Variants in ANKRD13C observed in about 807,000 individuals in gnomAD.
The protein encoded by ANKRD13C is ankyrin repeat domain-containing protein 13C.
Under a neutral mutation model 65.5 loss-of-function variants are expected in ANKRD13C, and 16 were observed. The ratio of observed to expected loss-of-function variants is 0.24; its 90% confidence interval spans 0.17 to 0.37. ANKRD13C has a LOEUF of 0.37. ANKRD13C is among the 10% of genes least tolerant of loss of function. The probability of loss-of-function intolerance (pLI) is 1.00; values close to 1 mark genes in which losing one functional copy is unlikely to be tolerated. For missense variants in ANKRD13C, 503 were observed against 655.9 expected, an observed-to-expected ratio of 0.77 and a Z score of 2.55; for synonymous variants, 235 against 238.7, an observed-to-expected ratio of 0.98 and a Z score of 0.14.
intron 1 of ANKRD13C, among the ~76,000 whole-genome samples, chr1:70,352,598 T>C (rs1682792600): frequency 6.6e-6 from 1 of 152,186 alleles, no homozygotes; most frequent in Non-Finnish European, 1.5e-5. Flanking sequence ...AATGTAACTA[T>C]GGCTACTATG....
In ANKRD13C at chr1:70,259,567, G is replaced by T. The variant is rs1360862015; in HGVS notation, c.*3150C>A. 2.6e-5 allele frequency among the ~76,000 whole-genome samples: 4 copies of T among 152,208 alleles called. No individual in the cohort carries two copies. The highest frequency in any genetic ancestry group is 2.0e-4 in the Admixed American group (3 of 15,284). The stretch of plus-strand genomic sequence containing the variant: ...TTATGAAATTTTTAGGTGGCAACCA[G>T]AGTTAGTTACTATTGCCCCAGATTT... On this transcript the variant is annotated 3_prime_UTR_variant, in exon 13 of 13. Coordinates refer to ENST00000370944, the MANE Select transcript of ANKRD13C (RefSeq NM_030816.5).
At chr1:70,308,575 TA>T (rs1680691274) in intron 5 of ANKRD13C, among the ~76,000 whole-genome samples, 1 of 151,606 alleles carries the variant, frequency 6.6e-6, no homozygotes, top group African/African-American at 2.4e-5. Flanking sequence ...CCGTCTTTAC[TA>T]AAAATAGAAA....
intron 5 of ANKRD13C, among the ~76,000 whole-genome samples, chr1:70,311,999 CAAGACAGTAG>C (rs540804524): frequency 4.3e-4 from 65 of 152,238 alleles, no homozygotes; most frequent in Admixed American, 1.0e-3. Flanking sequence ...GATTCTTTCT[CAAGACAGTAG>C]AAAACTACTA....
At chr1:70,299,006 G>A (rs9725926) in intron 7 of ANKRD13C, among the ~76,000 whole-genome samples, 1,616 of 152,256 alleles carry the variant, frequency 0.011, 30 homozygotes, top group African/African-American at 0.037. Context: ...ACGCCCTTGA[G>A]GAGCTTAGAC....
rs10526340 is a variant in ANKRD13C at position 70,331,820 on chromosome 1, CAA to C, written c.472+4236_472+4237del. ...CTAGGCAACAGAGCAAGACTCGACT[CAA>C]AAAAAAAAAAAAAAAAAAAAAGGAA... On this transcript the variant is annotated intron_variant, in intron 2 of 12. Transcript: ENST00000370944. Among the ~76,000 whole-genome samples the C allele has an allele frequency of 5.7e-5, 4 of 70,070 alleles. No individual in the cohort carries two copies. The East Asian group carries it at 1.5e-3, about 26-fold the overall frequency. 46.0% of individuals were successfully genotyped at this position (70,070 alleles called of 152,430 possible).
intron 5 of ANKRD13C, among the ~76,000 whole-genome samples, chr1:70,312,940 G>T (rs961826946): frequency 6.6e-6 from 1 of 152,050 alleles, no homozygotes; most frequent in East Asian, 1.9e-4. Context: ...AGGATCTTTC[G>T]TAAGTCACTG....
chr1:70,335,596 GC>G lies in ANKRD13C; in HGVS notation c.472+461del, dbSNP rs545379941. ...ATCTTTTAAATCACCTGCCTATAAG[GC>G]TTTTTAATTAAATAATGACTACTTT... On this transcript the variant is annotated intron_variant, in intron 2 of 12. Transcript: ENST00000370944. Among the ~76,000 whole-genome samples, 799 of 151,174 alleles carry G rather than the reference GC, an allele frequency of 5.3e-3. 9 individuals carry two copies. The highest frequency in any genetic ancestry group is 0.019 in the African/African-American group (772 of 41,288).
At chr1:70,316,829 GA>G (rs544988127) in intron 3 of ANKRD13C, among the ~76,000 whole-genome samples, 19 of 152,060 alleles carry the variant, frequency 1.2e-4, no homozygotes, top group Non-Finnish European at 2.6e-4. Flanking sequence ...TAAGAACATG[GA>G]AAAATGTGCA....
intron 9 of ANKRD13C, among the ~76,000 whole-genome samples, chr1:70,290,019 T>A (rs893488655): frequency 6.6e-6 from 1 of 152,082 alleles, no homozygotes; most frequent in Admixed American, 6.6e-5. Context: ...GACTGAGAGA[T>A]CAGTAAATAC....
In ANKRD13C at chr1:70,336,101, T is replaced by TA. The variant is rs747972025; in HGVS notation, c.431-3dup. ...CAGCAAGGTGTAAAGGAGTATTTCCTAAAAAAAATAAAATAAAATAAATAA... is the reference window on the plus strand; with the variant it reads ...CAGCAAGGTGTAAAGGAGTATTTCCTAAAAAAAAATAAAATAAAATAAATAA... On this transcript the variant is annotated splice_polypyrimidine_tract_variant and splice_region_variant and intron_variant, in intron 1 of 12. Coordinates refer to ENST00000370944, the MANE Select transcript of ANKRD13C (RefSeq NM_030816.5). 2.3e-4 allele frequency: 168 copies of TA among 725,844 alleles called. No individual in the cohort carries two copies. Among genetic ancestry groups the TA allele is most frequent in the Middle Eastern group, 8.4e-4 (2 of 2,388 alleles). The allele number at this position is 725,844 out of a possible 1,614,324, so 45.0% of individuals were successfully genotyped here. A position where few individuals can be genotyped will look rare whatever the true frequency, so the allele number is the denominator to read the frequency against.
chr1:70,317,442 T>C (rs1343260158), intron 3 of ANKRD13C, among the ~76,000 whole-genome samples: 4 of 152,290 alleles, frequency 2.6e-5, no homozygotes, highest in African/African-American at 9.6e-5. Flanking sequence ...TTCTTCCTAC[T>C]TTTGGTTTCA....
At chr1:70,301,381 C>T (rs927512611) in intron 6 of ANKRD13C, among the ~76,000 whole-genome samples, 10 of 152,142 alleles carry the variant, frequency 6.6e-5, no homozygotes, top group African/African-American at 2.4e-4. Context: ...TGACATTATT[C>T]GATCCCTTTA....
intron 3 of ANKRD13C, among the ~76,000 whole-genome samples, chr1:70,319,427 G>A (rs1486899384): frequency 6.6e-6 from 1 of 152,034 alleles, no homozygotes; most frequent in Non-Finnish European, 1.5e-5. Context: ...CCAACATAGT[G>A]AAACCCCGTC....
chr1:70,317,973 G>C (rs900659790), intron 3 of ANKRD13C, among the ~76,000 whole-genome samples: 5 of 152,130 alleles, frequency 3.3e-5, no homozygotes, highest in Non-Finnish European at 7.4e-5. Context: ...CATTTAAAAA[G>C]CTGAAGGCAT....
At position 70,292,414 on chromosome 1, in the gene ANKRD13C, C is replaced by T. The variant is rs769049718; in HGVS notation, c.1189G>A (p.Gly397Arg). ...KAIMESLSKG[G>R]NIMEQNFEPI... Reference sequence around the variant, plus strand: ...TCAAAATTCTGTTCCATTATGTTTCCACCTTTACTCAAACTCTCCATGATG... The same window carrying T: ...TCAAAATTCTGTTCCATTATGTTTCTACCTTTACTCAAACTCTCCATGATG... Residue 397 changes from glycine to arginine, a missense_variant, in exon 9 of 13, where the codon GGA becomes AGA. Physicochemically the swap from Gly to Arg is moderately radical, Grantham distance 125. Around this residue, in one of 2 missense-constraint regions of ANKRD13C, gnomAD observed 300 missense variants for 478.3 expected, o/e 0.63. Coordinates refer to ENST00000370944, the MANE Select transcript of ANKRD13C (RefSeq NM_030816.5). 6.3e-7 allele frequency: 1 copy of T among 1,589,764 alleles called. No homozygotes were observed.
intron 7 of ANKRD13C, among the ~76,000 whole-genome samples, chr1:70,299,827 C>G (rs1273760600): frequency 6.6e-6 from 1 of 152,166 alleles, no homozygotes; most frequent in Non-Finnish European, 1.5e-5. Context: ...TAAGCCTCTA[C>G]TCAGAACTGT....
At chr1:70,338,112 G>A (rs1682135562) in intron 1 of ANKRD13C, among the ~76,000 whole-genome samples, 1 of 151,762 alleles carries the variant, frequency 6.6e-6, no homozygotes, top group Non-Finnish European at 1.5e-5. Flanking sequence ...AAAAAAAAAA[G>A]AAAAGCATCT....
chr1:70,306,045 T>TAA, intron 6 of ANKRD13C, 179 bp downstream of exon 6: 1 of 344,632 alleles, frequency 2.9e-6, no homozygotes. Flanking sequence ...AATAAAAAAA[T>TAA]AAAAAAAGGT....
chr1:70,317,195 G>A lies in ANKRD13C; in HGVS notation c.578-1629C>T, dbSNP rs1414681874. Reference sequence around the variant, plus strand: ...ATATTTTAAAAAGCCAAAAATCAAAGAACAATGCTTAAATTACTGAAGGTG... The same window carrying A: ...ATATTTTAAAAAGCCAAAAATCAAAAAACAATGCTTAAATTACTGAAGGTG... On this transcript the variant is annotated intron_variant, in intron 3 of 12. Coordinates refer to ENST00000370944, the MANE Select transcript of ANKRD13C (RefSeq NM_030816.5). Among the ~76,000 whole-genome samples, 6 of 151,908 alleles carry A rather than the reference G, an allele frequency of 3.9e-5. No homozygotes were observed. In the East Asian group the frequency reaches 1.2e-3, roughly 29 times the overall value.
Sources: allele counts gnomAD v4.1 joint callset (sites outside exome capture counted in the v4.1 genomes callset), GRCh38; gene constraint gnomAD v4.1.1; regional missense constraint gnomAD v4.1.1; transcripts MANE v1.5; gene names NCBI Gene and HGNC (gene_info 2026-07-23, HGNC 2026-07-21).